GJB7: variants seen among roughly 807,000 people sequenced by gnomAD.
GJB7 encodes gap junction protein beta 7.
For synonymous variants in GJB7, 87 were observed against 95.2 expected, an observed-to-expected ratio of 0.91 and a Z score of 0.50; for missense variants, 253 against 256.8, an observed-to-expected ratio of 0.99 and a Z score of 0.10.
intron 2 of GJB7, among the ~76,000 whole-genome samples, chr6:87,294,135 C>T (rs1054955337): frequency 3.9e-5 from 6 of 152,074 alleles, no homozygotes; most frequent in African/African-American, 1.4e-4. Context: ...AGTCAAAAGG[C>T]TAAGGATAAA....
intron 2 of GJB7, among the ~76,000 whole-genome samples, chr6:87,305,261 G>GT (rs1776405565): frequency 6.6e-6 from 1 of 152,018 alleles, no homozygotes; most frequent in Non-Finnish European, 1.5e-5. Context: ...TGACATGATT[G>GT]TATATCTAGA....
rs146672405 is a variant in GJB7, at chr6:87,326,103, G to A, written c.-206+3035C>T. On this transcript the variant is annotated intron_variant, in intron 1 of 2. Coordinates refer to ENST00000525899, the MANE Select transcript of GJB7 (RefSeq NM_198568.3). The stretch of plus-strand genomic sequence containing the variant: ...TGGTAGTTTGTATTTCTGTGGGATC[G>A]GTGGTGATATCCCTTTTATCATTTT... 4.3e-3 allele frequency among the ~76,000 whole-genome samples: 655 copies of A among 152,190 alleles called. 22 individuals are homozygous for A. In the East Asian group the frequency reaches 0.1, roughly 24 times the overall value.
intron 2 of GJB7, among the ~76,000 whole-genome samples, chr6:87,312,379 G>T (rs1241711280): frequency 1.3e-5 from 2 of 151,960 alleles, no homozygotes; most frequent in Non-Finnish European, 2.9e-5. Flanking sequence ...AGGCATGTTG[G>T]CAGGCACCTG....
intron 2 of GJB7, among the ~76,000 whole-genome samples, chr6:87,301,836 A>C (rs1776333264): frequency 6.6e-6 from 1 of 152,228 alleles, no homozygotes; most frequent in East Asian, 1.9e-4. Context: ...CGAAGCTTCC[A>C]GAGGAATGAT....
chr6:87,290,456 C>A (rs1032772130), intron 2 of GJB7, among the ~76,000 whole-genome samples: 1 of 152,084 alleles, frequency 6.6e-6, no homozygotes, highest in Admixed American at 6.5e-5. Flanking sequence ...TTGAAGATGG[C>A]CTATTTGGAA....
intron 2 of GJB7, among the ~76,000 whole-genome samples, chr6:87,321,984 C>T (rs992273544): frequency 6.6e-6 from 1 of 152,200 alleles, no homozygotes; most frequent in Admixed American, 6.5e-5. Flanking sequence ...CCTCCTTCAA[C>T]ACAAGGGGGC....
intron 2 of GJB7, among the ~76,000 whole-genome samples, chr6:87,321,835 G>A (rs1776669175): frequency 6.6e-6 from 1 of 152,144 alleles, no homozygotes; most frequent in African/African-American, 2.4e-5. Context: ...TCTTACCGTG[G>A]TGCAGGAGAG....
intron 2 of GJB7, among the ~76,000 whole-genome samples, chr6:87,288,046 G>A (rs1162176123): frequency 2.0e-5 from 3 of 152,042 alleles, no homozygotes; most frequent in Non-Finnish European, 4.4e-5. Context: ...GGGATTGCAG[G>A]TGCCCACCAC....
intron 2 of GJB7, among the ~76,000 whole-genome samples, chr6:87,298,138 C>T (rs905730923): frequency 6.6e-6 from 1 of 152,216 alleles, no homozygotes; most frequent in Admixed American, 6.5e-5. Flanking sequence ...AATCAATCCT[C>T]TAGCTGAGAA....
rs189670084 is a variant in GJB7, at chr6:87,307,081, G to A, written c.-28+15785C>T. On this transcript the variant is annotated intron_variant, in intron 2 of 2. Transcript: ENST00000525899. ...GGAGACATACCTAATGCTAAATGAC[G>A]AGTTAATGGGTGCAGCACACCAGCA... Among the ~76,000 whole-genome samples, 167 of 151,854 alleles carry A rather than the reference G, an allele frequency of 1.1e-3. 1 individual carries two copies. The highest frequency in any genetic ancestry group is 6.4e-3 in the South Asian group (31 of 4,816).
intron 2 of GJB7, among the ~76,000 whole-genome samples, chr6:87,319,643 A>G (rs2127910949): frequency 6.6e-6 from 1 of 152,332 alleles, no homozygotes; most frequent in Non-Finnish European, 1.5e-5. Flanking sequence ...CCAGTTGTCA[A>G]TGAACTTTTA....
intron 2 of GJB7, among the ~76,000 whole-genome samples, chr6:87,309,479 T>G (rs1246060865): frequency 6.6e-6 from 1 of 152,042 alleles, no homozygotes; most frequent in Non-Finnish European, 1.5e-5. Flanking sequence ...GCTCCCACAA[T>G]TGCACAGTCC....
chr6:87,320,002 C>T (rs1776632491), intron 2 of GJB7, among the ~76,000 whole-genome samples: 1 of 151,844 alleles, frequency 6.6e-6, no homozygotes, highest in African/African-American at 2.4e-5. Context: ...ATGATGGTTA[C>T]CAGAGGCTGG....
In GJB7 at chr6:87,328,866, C is replaced by T. The variant is rs28890862; in HGVS notation, c.-206+272G>A. ...CTCCCCCAGCCTCACTGCCGCCTTG[C>T]AGTTTGATCTCAGACTGCTGTGCTA... On this transcript the variant is annotated intron_variant, in intron 1 of 2. Transcript: ENST00000525899. 1.1e-3 allele frequency among the ~76,000 whole-genome samples: 174 copies of T among 152,308 alleles called. 3 individuals are homozygous for T. The East Asian group carries it at 0.031, about 27-fold the overall frequency.
At chr6:87,308,364 TTAAAG>T (rs1180542277) in intron 2 of GJB7, among the ~76,000 whole-genome samples, 5 of 152,080 alleles carry the variant, frequency 3.3e-5, no homozygotes, top group Non-Finnish European at 7.4e-5. Context: ...ACCCTAGAAC[TTAAAG>T]TATAATAAAA....
At chr6:87,328,721 C>A (rs1359681023) in intron 1 of GJB7, among the ~76,000 whole-genome samples, 7 of 152,158 alleles carry the variant, frequency 4.6e-5, no homozygotes, top group African/African-American at 1.4e-4. Flanking sequence ...CTGTGCCCTG[C>A]CCCCAGAGGT....
At chr6:87,305,240 C>G (rs554248126) in intron 2 of GJB7, among the ~76,000 whole-genome samples, 29 of 152,168 alleles carry the variant, frequency 1.9e-4, no homozygotes, top group Middle Eastern at 3.4e-3. Context: ...CAAATTGTCC[C>G]TGTTTGCAGA....
chr6:87,302,933 T>C (rs1157834501), intron 2 of GJB7, among the ~76,000 whole-genome samples: 1 of 152,138 alleles, frequency 6.6e-6, no homozygotes, highest in Non-Finnish European at 1.5e-5. Context: ...AAACTAAGCT[T>C]CATAAGTGAA....
rs1776027206 is a variant in GJB7 at position 87,284,615 on chromosome 6, C to A, written c.298G>T (p.Gly100Cys). 1.2e-6 allele frequency: 2 copies of A among 1,614,138 alleles called. No individual in the cohort carries two copies. The highest frequency in any genetic ancestry group is 3.3e-4 in the Middle Eastern group (2 of 6,062). The change falls in exon 3 of 3, where the codon GGT becomes TGT. Residue 100 changes from glycine (G) to cysteine (C), a missense_variant. Physicochemically the swap from Gly to Cys is radical, Grantham distance 159 (BLOSUM62 -3). Transcript: ENST00000525899. Reference sequence around the variant, plus strand: ...TTCTTTCTGTGCCTTTTCTCTCTACCCTCATGATAGGCTACATGTAAAACC... The same window carrying A: ...TTCTTTCTGTGCCTTTTCTCTCTACACTCATGATAGGCTACATGTAAAACC... ...LVVLHVAYHEGREKRHRKKLY... is the reference protein window; with the variant it reads ...LVVLHVAYHECREKRHRKKLY...
Sources: allele counts gnomAD v4.1 joint callset (sites outside exome capture counted in the v4.1 genomes callset), GRCh38; gene constraint gnomAD v4.1.1; transcripts MANE v1.5; gene names NCBI Gene and HGNC (gene_info 2026-07-23, HGNC 2026-07-21).